GOLGB1: variants seen among roughly 807,000 people sequenced by gnomAD.
GOLGB1 encodes the protein golgin subfamily B member 1.
Under a neutral mutation model 336.9 loss-of-function variants are expected in GOLGB1, and 174 were observed. The observed-to-expected ratio is 0.52, with a 90% confidence interval of 0.46 to 0.59. The LOEUF is 0.59. GOLGB1 is among the 20% of genes least tolerant of loss of function. The pLI is 0.00. For synonymous variants in GOLGB1, 1,208 were observed against 1,289.2 expected, an observed-to-expected ratio of 0.94 and a Z score of 1.35; for missense variants, 3,331 against 3,645.3, an observed-to-expected ratio of 0.91 and a Z score of 2.22.
intron 11 of GOLGB1, among the ~76,000 whole-genome samples, chr3:121,702,019 GAGC>G (rs1943457828): frequency 6.6e-6 from 1 of 152,062 alleles, no homozygotes; most frequent in African/African-American, 2.4e-5. Flanking sequence ...TAAAGGAAAG[GAGC>G]AGGATTCTAA....
intron 10 of GOLGB1, among the ~76,000 whole-genome samples, chr3:121,708,038 A>G (rs1944035628): frequency 6.6e-6 from 1 of 152,224 alleles, no homozygotes; most frequent in African/African-American, 2.4e-5. Context: ...CAAATTATCC[A>G]TCAATGAGTC....
At chr3:121,674,771 C>A (rs947352873) in intron 17 of GOLGB1, among the ~76,000 whole-genome samples, 7 of 148,286 alleles carry the variant, frequency 4.7e-5, no homozygotes, top group Non-Finnish European at 1.0e-4. Context: ...TCATGGAAGA[C>A]AAATAATAGT....
intron 17 of GOLGB1, among the ~76,000 whole-genome samples, chr3:121,673,806 C>G (rs539377773): frequency 1.3e-5 from 2 of 152,102 alleles, no homozygotes; most frequent in Admixed American, 6.5e-5. Context: ...CTGCAACCTC[C>G]GCCTCCCAAG....
Position 121,691,218 on chromosome 3 carries a change from C to T in GOLGB1, c.8146G>A (p.Asp2716Asn), listed in dbSNP as rs144795394. Reference protein sequence around the residue: ...AEERVAELARDLVEMEQKLLM... With the variant: ...AEERVAELARNLVEMEQKLLM... ...AATTTCTGTTCCATCTCCACCAAAT[C>T]TCTTGCTAGCTCTGCCACTCTCTCT... Residue 2716 changes from aspartate (D) to asparagine (N), a missense_variant, in exon 14 of 22, where the codon GAT (aspartate) becomes AAT (asparagine). Asp to Asn is a conservative substitution (Grantham distance 23). Coordinates refer to ENST00000614479, the MANE Select transcript of GOLGB1 (RefSeq NM_001366282.2). The T allele has an allele frequency of 8.9e-5, 144 of 1,613,864 alleles. No individual in the cohort carries two copies. Among genetic ancestry groups the T allele is most frequent in the Non-Finnish European group, 8.0e-5 (94 of 1,180,010 alleles).
chr3:121,730,491 G>A (rs1342206278), intron 2 of GOLGB1, among the ~76,000 whole-genome samples: 2 of 151,898 alleles, frequency 1.3e-5, no homozygotes, highest in Non-Finnish European at 2.9e-5. Context: ...TAGGAGAAGT[G>A]GTAAATGAAA....
At chr3:121,747,337 ATGTATATATATGTG>A (rs1367469782) in intron 1 of GOLGB1, among the ~76,000 whole-genome samples, 1 of 138,320 alleles carries the variant, frequency 7.2e-6, no homozygotes, top group Non-Finnish European at 1.6e-5. Context: ...ATACGTATAT[ATGTATATATATGTG>A]TATATACGTA....
chr3:121,718,613 G>T, intron 7 of GOLGB1, 112 bp from the exon 8 acceptor site: 1 of 768,534 alleles, frequency 1.3e-6, no homozygotes, highest in Non-Finnish European at 2.2e-6. Flanking sequence ...TGTTGAAAAT[G>T]ACAGTTTAAA....
rs777898536 is a variant in GOLGB1, at chr3:121,726,962, CTGATT to C, written c.477_481del (p.Ile160HisfsTer39). 6.2e-7 allele frequency: 1 copy of C among 1,605,466 alleles called. No individual in the cohort carries two copies. The highest frequency in any genetic ancestry group is 8.5e-7 in the Non-Finnish European group (1 of 1,174,442). ...CTGAGTAAGCTGGGCTTGCAAAGTG[CTGATT>C]AGTTCCTCCTTCTCCTGGAGCTTAT... On this transcript the variant is annotated frameshift_variant, in exon 5 of 22. Transcript: ENST00000614479. LOFTEE classifies it high-confidence loss of function.
At position 121,694,863 on chromosome 3, in the gene GOLGB1, C is replaced by G. The variant is rs1942794809; in HGVS notation, c.5660G>C (p.Gly1887Ala). ...TTCCTCCTGAAGCATTTTTAGTTCA[C>G]CATCCTTTGTTGATATCTGACTCAG... ...TLLSQISTKD[G>A]ELKMLQEEVT... The change falls in exon 13 of 22, where the codon GGT becomes GCT. Residue 1887 changes from glycine (G) to alanine (A), a missense_variant. By Grantham distance (60) the Gly-to-Ala change is moderately conservative. Transcript: ENST00000614479. The G allele has an allele frequency of 2.5e-6, 4 of 1,613,682 alleles. No homozygotes were observed. Among genetic ancestry groups the G allele is most frequent in the Non-Finnish European group, 3.4e-6 (4 of 1,179,854 alleles).
In GOLGB1 at chr3:121,698,698, C is replaced by T; in HGVS notation, c.1825G>A (p.Glu609Lys). 1 of 1,613,762 alleles carries T rather than the reference C, an allele frequency of 6.2e-7. No individual in the cohort carries two copies. Among genetic ancestry groups the T allele is most frequent in the Non-Finnish European group, 8.5e-7 (1 of 1,179,758 alleles). Residue 609 changes from glutamate (E) to lysine (K), a missense_variant, in exon 13 of 22, where the codon GAG (glutamate) becomes AAG (lysine). Transcript: ENST00000614479. ...TTCATTTTAATTGGAGCTATTCCCT[C>T]ACCCTCCATCTGTTTCATTTCTTTC... The part of the protein sequence containing the change: ...DQKEMKQMEG[E>K]GIAPIKMKVF...
chr3:121,709,371 C>T (rs896033112), intron 10 of GOLGB1, among the ~76,000 whole-genome samples: 1 of 152,162 alleles, frequency 6.6e-6, no homozygotes, highest in Non-Finnish European at 1.5e-5. Flanking sequence ...ACAGAATACA[C>T]ACTATTTACA....
intron 9 of GOLGB1, among the ~76,000 whole-genome samples, chr3:121,715,458 C>T (rs1180380861): frequency 6.8e-6 from 1 of 147,620 alleles, no homozygotes; most frequent in East Asian, 2.1e-4. Context: ...CTCAGGTAAT[C>T]CCCCCCACCT....
At position 121,693,635 on chromosome 3, in the gene GOLGB1, T is replaced by C. The variant is rs1576342360; in HGVS notation, c.6782+106A>G. ...AGAGAGAATATATCTTCCATGGACA[T>C]TTATGCCAAAATTAGTCCCATTGTC... On this transcript the variant is annotated intron_variant, in intron 13 of 21. Coordinates refer to ENST00000614479, the MANE Select transcript of GOLGB1 (RefSeq NM_001366282.2). 15 of 835,514 alleles carry C rather than the reference T, an allele frequency of 1.8e-5. No homozygotes were observed. In the East Asian group the frequency reaches 3.7e-4, roughly 20 times the overall value. 51.8% of individuals were successfully genotyped at this position (835,514 alleles called of 1,614,324 possible).
chr3:121,729,542 C>G (rs1157212290), intron 3 of GOLGB1, among the ~76,000 whole-genome samples: 1 of 152,100 alleles, frequency 6.6e-6, no homozygotes, highest in Non-Finnish European at 1.5e-5. Flanking sequence ...TCCAGAGTAG[C>G]TGGGACTACA....
At position 121,694,387 on chromosome 3, in the gene GOLGB1, T is replaced by C. The variant is rs760472500; in HGVS notation, c.6136A>G (p.Thr2046Ala). 1.2e-6 allele frequency: 2 copies of C among 1,613,104 alleles called. No homozygotes were observed. Among genetic ancestry groups the C allele is most frequent in the Admixed American group, 1.7e-5 (1 of 60,010 alleles). Residue 2046 changes from threonine to alanine, a missense_variant, in exon 13 of 22, where the codon ACT becomes GCT. By Grantham distance (58) the Thr-to-Ala change is moderately conservative (BLOSUM62 0). Transcript: ENST00000614479. The stretch of plus-strand genomic sequence containing the variant: ...TGAACAAATTCTAGAGCTTTAACAG[T>C]TCTCTCCAGAGCACTAATTTTCTCT... ...YQEKISALER[T>A]VKALEFVQTE...
At chr3:121,721,296 G>T (rs886277933) in intron 6 of GOLGB1, among the ~76,000 whole-genome samples, 8 of 151,656 alleles carry the variant, frequency 5.3e-5, no homozygotes, top group African/African-American at 1.9e-4. Flanking sequence ...GTACTTCAGG[G>T]AAAAAAATCT....
chr3:121,666,902 C>T (rs898218302), intron 20 of GOLGB1, among the ~76,000 whole-genome samples: 5 of 152,190 alleles, frequency 3.3e-5, no homozygotes, highest in African/African-American at 1.2e-4. Flanking sequence ...TTGGAGCAAA[C>T]TGCTCATAGG....
At chr3:121,686,491 A>G (rs1405965302) in intron 14 of GOLGB1, among the ~76,000 whole-genome samples, 1 of 152,070 alleles carries the variant, frequency 6.6e-6, no homozygotes. Flanking sequence ...ATGCTACCCC[A>G]AGTCATTTTC....
rs375281562 is a variant in GOLGB1, at chr3:121,669,232, G to A, written c.9301C>T (p.Gln3101Ter). The A allele has an allele frequency of 6.2e-7, 1 of 1,613,710 alleles. No individual in the cohort carries two copies. The highest frequency in any genetic ancestry group is 1.3e-5 in the African/African-American group (1 of 74,864). ...CTCACCGCCTGCAGCTCTTGAACCT[G>A]CTTCTCCAAGACTGCACAGTGATTT... Reference protein sequence around the residue: ...LLNHCAVLEKQVQELQAGPLN... With the variant: ...LLNHCAVLEK Residue 3101 changes from glutamine to a stop codon, truncating the protein, a stop_gained, in exon 18 of 22, where the codon CAG becomes TAG. Coordinates refer to ENST00000614479, the MANE Select transcript of GOLGB1 (RefSeq NM_001366282.2). LOFTEE classifies it high-confidence loss of function.
Sources: gnomAD v4.1 joint callset for allele counts (sites outside exome capture counted in the v4.1 genomes callset) on GRCh38, gnomAD v4.1.1 for gene constraint, MANE v1.5 for transcripts, NCBI Gene and HGNC (gene_info 2026-07-23, HGNC 2026-07-21) for gene names.